RBFOX1: variants seen among roughly 807,000 people sequenced by gnomAD.
RBFOX1 encodes the protein RNA binding protein fox-1 homolog 1.
In RBFOX1, 8 loss-of-function variants were observed where a neutral mutation model predicts 57.7. The observed-to-expected ratio is 0.14, with a 90% confidence interval of 0.08 to 0.25. RBFOX1 has a LOEUF of 0.25. Ranked by LOEUF, RBFOX1 falls within the 10% of genes least tolerant of loss-of-function variation. The pLI, the probability that RBFOX1 is intolerant of heterozygous loss-of-function variation, is 1.00. For missense variants in RBFOX1, 611 were observed against 548.5 expected (o/e 1.11, Z -1.14); for synonymous variants, 326 against 222.4 (o/e 1.47, Z -4.15).
chr16:7,274,733 G>T (rs375084468), intron 4 of RBFOX1, among the ~76,000 whole-genome samples: 1 of 151,890 alleles, frequency 6.6e-6, no homozygotes, highest in Non-Finnish European at 1.5e-5. Flanking sequence ...CACCCAAGCT[G>T]CAGTGCAGTA....
At position 7,010,239 on chromosome 16, in the gene RBFOX1, C is replaced by A. The variant is rs530191890; in HGVS notation, c.-15-41818C>A. 2.6e-5 allele frequency among the ~76,000 whole-genome samples: 4 copies of A among 152,322 alleles called. No homozygotes were observed. The East Asian group carries it at 7.7e-4, about 29-fold the overall frequency. On this transcript the variant is annotated intron_variant, in intron 3 of 15. Transcript: ENST00000550418. The stretch of plus-strand genomic sequence containing the variant: ...TCCTGAAGCTCAAATACACAGACAA[C>A]CTAGAGCTAAATGGCAAATTCTCCA...
chr16:7,068,166 A>T (rs1567140875), intron 4 of RBFOX1, among the ~76,000 whole-genome samples: 1 of 152,072 alleles, frequency 6.6e-6, no homozygotes, highest in African/African-American at 2.4e-5. Context: ...ATCCGTAATT[A>T]TAATTCCATT....
Position 5,876,166 on chromosome 16 carries a change from T to C in RBFOX1, c.351+8831T>C, listed in dbSNP as rs188398021. Among the ~76,000 whole-genome samples the C allele has an allele frequency of 3.4e-4, 52 of 152,150 alleles. 1 individual carries two copies. Among genetic ancestry groups the C allele is most frequent in the Admixed American group, 2.9e-3 (45 of 15,278 alleles). ...CCTATCCCACAATTTTTACCTTGCA[T>C]TGGGGGTTAATGAGTAAAAACAACC... On this transcript the variant is annotated intron_variant, in intron 4 of 19. Coordinates refer to the RBFOX1 transcript ENST00000641259.
At chr16:7,485,269 G>A (rs141910799) in intron 4 of RBFOX1, among the ~76,000 whole-genome samples, 1 of 152,280 alleles carries the variant, frequency 6.6e-6, no homozygotes, top group East Asian at 1.9e-4. Flanking sequence ...CTCGCGTGTT[G>A]CTTTTCCCTC....
intron 4 of RBFOX1, among the ~76,000 whole-genome samples, chr16:7,473,050 C>G (rs1272912054): frequency 6.6e-6 from 1 of 152,062 alleles, no homozygotes; most frequent in Non-Finnish European, 1.5e-5. Context: ...TGTCTCTGTC[C>G]AAGGGTTGAT....
chr16:6,906,740 T>TG (rs2070079218), intron 3 of RBFOX1, among the ~76,000 whole-genome samples: 1 of 149,808 alleles, frequency 6.7e-6, no homozygotes, highest in African/African-American at 2.5e-5. Flanking sequence ...TTTTTTTTTT[T>TG]GAGACAGAGT....
chr16:6,473,273 T>C (rs1266487393), intron 2 of RBFOX1, among the ~76,000 whole-genome samples: 1 of 152,196 alleles, frequency 6.6e-6, no homozygotes, highest in Non-Finnish European at 1.5e-5. Flanking sequence ...GCAGGGTACA[T>C]GTCTGTCTCA....
chr16:7,559,309 T>C (rs1490918546), intron 5 of RBFOX1, among the ~76,000 whole-genome samples: 2 of 144,850 alleles, frequency 1.4e-5, no homozygotes, highest in Non-Finnish European at 2.9e-5. Flanking sequence ...ATACATCTCT[T>C]TCTCTCAGTC....
At chr16:6,733,811 C>T (rs911232278) in intron 3 of RBFOX1, among the ~76,000 whole-genome samples, 3 of 152,338 alleles carry the variant, frequency 2.0e-5, no homozygotes, top group Admixed American at 6.5e-5. Context: ...ACTACCATCT[C>T]TGTGACTTGC....
intron 2 of RBFOX1, among the ~76,000 whole-genome samples, chr16:6,447,615 G>T (rs184246052): frequency 1.3e-5 from 2 of 152,272 alleles, no homozygotes; most frequent in Non-Finnish European, 2.9e-5. Flanking sequence ...TGCATACTGT[G>T]TATCTCTACG....
At chr16:7,382,823 C>G (rs2097801890) in intron 4 of RBFOX1, among the ~76,000 whole-genome samples, 1 of 152,212 alleles carries the variant, frequency 6.6e-6, no homozygotes, top group African/African-American at 2.4e-5. Flanking sequence ...CTAAGTACCA[C>G]TTCAGAGTAA....
intron 2 of RBFOX1, among the ~76,000 whole-genome samples, chr16:6,629,770 C>T (rs1037954548): frequency 1.1e-4 from 16 of 152,158 alleles, no homozygotes. Flanking sequence ...TTAATTAGTC[C>T]TTCTGAGATA....
chr16:6,027,637 T>C (rs558478478), intron 1 of RBFOX1, among the ~76,000 whole-genome samples: 13 of 152,346 alleles, frequency 8.5e-5, no homozygotes, highest in African/African-American at 3.1e-4. Context: ...GTGTGTTTAG[T>C]GCAAGTAGGA....
At chr16:6,988,727 G>T (rs1432384737) in intron 3 of RBFOX1, among the ~76,000 whole-genome samples, 3 of 125,142 alleles carry the variant, frequency 2.4e-5, no homozygotes, top group Admixed American at 7.7e-5. Flanking sequence ...ATCACACCCA[G>T]CTAATTTTTT....
chr16:5,530,909 G>A (rs997666852), intron 2 of RBFOX1, among the ~76,000 whole-genome samples: 6 of 122,328 alleles, frequency 4.9e-5, no homozygotes, highest in South Asian at 2.8e-4. Context: ...CCAACATGGC[G>A]AAACCCTGTC....
intron 2 of RBFOX1, among the ~76,000 whole-genome samples, chr16:6,418,532 T>A (rs1178630122): frequency 3.4e-5 from 5 of 146,156 alleles, no homozygotes; most frequent in Admixed American, 1.4e-4. Context: ...TTTTTTTTTT[T>A]TTTTTTTTTT....
At chr16:6,394,415 C>T (rs1017120798) in intron 2 of RBFOX1, among the ~76,000 whole-genome samples, 3 of 152,078 alleles carry the variant, frequency 2.0e-5, no homozygotes, top group Non-Finnish European at 4.4e-5. Context: ...GAATTACAGG[C>T]ACTTGGCTGC....
At chr16:7,668,625 C>G (rs1034105112) in intron 13 of RBFOX1, among the ~76,000 whole-genome samples, 1 of 151,698 alleles carries the variant, frequency 6.6e-6, no homozygotes, top group Non-Finnish European at 1.5e-5. Context: ...TAGGAATGAT[C>G]TTTATCTGAG....
At chr16:6,454,748 C>A (rs186929855) in intron 2 of RBFOX1, among the ~76,000 whole-genome samples, 16 of 152,010 alleles carry the variant, frequency 1.1e-4, no homozygotes, top group Admixed American at 9.2e-4. Context: ...ATGAATTGGA[C>A]TTGAGTGAGA....
Sources: allele counts gnomAD v4.1 joint callset (sites outside exome capture counted in the v4.1 genomes callset), GRCh38; gene constraint gnomAD v4.1.1; transcripts MANE v1.5; gene names NCBI Gene and HGNC (gene_info 2026-07-23, HGNC 2026-07-21).